Variants in RASAL1 observed in about 807,000 individuals in gnomAD.
RASAL1 encodes RAS protein activator like 1.
In RASAL1, 72 loss-of-function variants were observed where a neutral mutation model predicts 96.6. That is an observed-to-expected ratio of 0.75 (90% CI 0.62 to 0.91). The LOEUF (loss-of-function observed/expected upper bound fraction) is 0.91. Ranked by LOEUF, RASAL1 falls within the 40% of genes least tolerant of loss-of-function variation. The pLI is 0.00. For synonymous variants in RASAL1, 405 were observed against 430.4 expected, an observed-to-expected ratio of 0.94 and a Z score of 0.73; for missense variants, 1,016 against 1,072.5, an observed-to-expected ratio of 0.95 and a Z score of 0.74.
At position 113,115,967 on chromosome 12, in the gene RASAL1, C is replaced by T; in HGVS notation, c.816G>A (p.Glu272=). 1 of 1,609,128 alleles carries T rather than the reference C, an allele frequency of 6.2e-7. No individual in the cohort carries two copies. Among genetic ancestry groups the T allele is most frequent in the South Asian group, 1.1e-5 (1 of 90,400 alleles). The change falls in exon 9 of 21, where the codon GAG becomes GAA. Residue 272 remains glutamate, a synonymous_variant. Transcript: ENST00000548055. This position sits in a 1 kb window ranked among gnomAD's most constrained non-coding sequence, Gnocchi z 4.1. ...GCCCCTGCACAGACTCCATGAGCAG[C>T]TCCATGAGAGGCTGGTAGCACTGGG... ...LPSQCYQPLM[E]LLMESVQGPA... is the part of the protein sequence containing the mutation.
At chr12:113,136,380 T>C (rs1160159390), upstream of RASAL1, 2 of 152,234 alleles carry the variant, frequency 1.3e-5, no homozygotes, top group African/African-American at 4.8e-5. Context: ...ACTTCATGGG[T>C]GCCAGGCACT....
In RASAL1 at chr12:113,117,283, CA is replaced by C. The variant is rs1359458239; in HGVS notation, c.643-123del. The C allele has an allele frequency of 8.0e-5, 51 of 635,186 alleles. 1 individual carries two copies. The South Asian group carries it at 9.4e-4, about 12-fold the overall frequency. The allele number at this position is 635,186 out of a possible 1,614,324, so 39.3% of individuals were successfully genotyped here. The stretch of plus-strand genomic sequence containing the variant: ...CCCACAGAGGGGCAGAATGGCCTGC[CA>C]GGGGACCCCTCCTTCTCTCCTACAA... On this transcript the variant is annotated intron_variant, in intron 7 of 20. Transcript: ENST00000548055.
rs200935362 is a variant in RASAL1 at position 113,130,901 on chromosome 12, C to T, written c.106G>A (p.Asp36Asn). The stretch of plus-strand genomic sequence containing the variant: ...ACCCCTCACCTGGCCACCACCTCGT[C>T]GTCCACTTTCACTAGGCAGTAGGGG... ...SDPYCLVKVD[D>N]EVVARTATVW... Residue 36 changes from aspartate to asparagine, a missense_variant, in exon 2 of 21, where the codon GAC becomes AAC. By Grantham distance (23) the Asp-to-Asn change is conservative. Transcript: ENST00000548055. This position sits in a 1 kb window ranked among gnomAD's most constrained non-coding sequence, Gnocchi z 5.1. 211 of 1,613,608 alleles carry T rather than the reference C, an allele frequency of 1.3e-4. 2 individuals are homozygous for T. The South Asian group carries it at 1.6e-3, about 12-fold the overall frequency.
rs1950884265 is a variant in RASAL1, at chr12:113,112,109, G to C, written c.1351C>G (p.Arg451Gly). 2 of 1,244,780 alleles carry C rather than the reference G, an allele frequency of 1.6e-6. No homozygotes were observed. The allele number at this position is 1,244,780 out of a possible 1,614,324, so 77.1% of individuals were successfully genotyped here. A position where few individuals can be genotyped will look rare whatever the true frequency, so the allele number is the denominator to read the frequency against. The change falls in exon 13 of 21, where the codon CGC becomes GGC. Residue 451 changes from arginine (R) to glycine (G), a missense_variant. Coordinates refer to ENST00000548055, the MANE Select transcript of RASAL1 (RefSeq NM_001301202.2). ...FKQLHRRVEE[R>G]FPQAEHQDVK... ...ACCTGGTGCTCGGCCTGGGGGAAGC[G>C]CTCCTCCACTCGCCGGTGCAGCTGC...
At chr12:113,121,804 C>T (rs1167513794) in intron 4 of RASAL1, among the ~76,000 whole-genome samples, 166 bp from the exon 5 acceptor site, 1 of 152,028 alleles carries the variant, frequency 6.6e-6, no homozygotes, top group Non-Finnish European at 1.5e-5. Flanking sequence ...TCACTGCAAC[C>T]TCTGCCTCCT....
At chr12:113,113,178 C>T (rs1357509270) in intron 12 of RASAL1, among the ~76,000 whole-genome samples, 1 of 152,182 alleles carries the variant, frequency 6.6e-6, no homozygotes, top group Non-Finnish European at 1.5e-5. Flanking sequence ...CTGTCTTGCC[C>T]ACACCTAGAG....
At chr12:113,120,191 T>C (rs1204059176) in intron 5 of RASAL1, among the ~76,000 whole-genome samples, 1 of 152,084 alleles carries the variant, frequency 6.6e-6, no homozygotes, top group Non-Finnish European at 1.5e-5. Flanking sequence ...TTCCTCCTGC[T>C]CCCTTCCCAC....
At chr12:113,104,717 G>A (rs1167683101) in intron 16 of RASAL1, among the ~76,000 whole-genome samples, 1 of 152,038 alleles carries the variant, frequency 6.6e-6, no homozygotes, top group Non-Finnish European at 1.5e-5. Flanking sequence ...GGCCAGGCTG[G>A]TCTCGAACTC....
intron 4 of RASAL1, among the ~76,000 whole-genome samples, chr12:113,126,290 T>C (rs901015674): frequency 1.3e-5 from 2 of 151,788 alleles, no homozygotes; most frequent in African/African-American, 4.8e-5. Flanking sequence ...GTCTCAAAAA[T>C]AAATAAATTA....
chr12:113,114,864 G>T lies in RASAL1; in HGVS notation c.1117C>A (p.Arg373Ser). ...LHEVLKPVISRVFEEKKYMEL... is the reference protein window; with the variant it reads ...LHEVLKPVISSVFEEKKYMEL... ...ATGTACTTCTTCTCCTCAAAGACAC[G>T]GCTAATCACAGGCTTCAGGACCTCG... The change falls in exon 12 of 21, where the codon CGT becomes AGT. Residue 373 changes from arginine to serine, a missense_variant. Arg to Ser is a moderately radical substitution (Grantham distance 110, BLOSUM62 -1). Coordinates refer to ENST00000548055, the MANE Select transcript of RASAL1 (RefSeq NM_001301202.2). 1 of 1,614,136 alleles carries T rather than the reference G, an allele frequency of 6.2e-7. No homozygotes were observed. Among genetic ancestry groups the T allele is most frequent in the Non-Finnish European group, 8.5e-7 (1 of 1,180,004 alleles).
At chr12:113,112,392 C>T (rs549770376) in intron 12 of RASAL1, 114 bp from the exon 13 acceptor site, 2 of 766,782 alleles carry the variant, frequency 2.6e-6, no homozygotes, top group African/African-American at 1.8e-5. Flanking sequence ...CGTCCGCAGC[C>T]TCCTTCCTGC....
At position 113,105,789 on chromosome 12, in the gene RASAL1, C is replaced by G. The variant is rs139573405; in HGVS notation, c.1755G>C (p.Thr585=). 2 of 1,614,164 alleles carry G rather than the reference C, an allele frequency of 1.2e-6. No individual in the cohort carries two copies. Among genetic ancestry groups the G allele is most frequent in the South Asian group, 1.1e-5 (1 of 91,086 alleles). Residue 585 remains threonine, a synonymous_variant, in exon 16 of 21, where the codon ACG becomes ACC. Transcript: ENST00000548055. The stretch of plus-strand genomic sequence containing the variant: ...CGTAGCGCTTCTTGAAGGCAAAGCG[C>G]GTGGCCAGGCCGGCAGGCTCCTCCT... The part of the protein sequence containing the change: ...KRKEEPAGLA[T]RFAFKKRYVW...
At position 113,130,855 on chromosome 12, in the gene RASAL1, C is replaced by T; in HGVS notation, c.122+30G>A. 6.3e-7 allele frequency: 1 copy of T among 1,593,758 alleles called. No homozygotes were observed. The highest frequency in any genetic ancestry group is 1.1e-5 in the South Asian group (1 of 89,850). ...AGGTCTAGAAAGAGACCCCTCCCTTCCTCCTCTCCCCCGTGTCGCCACCCC... is the reference window on the plus strand; with the variant it reads ...AGGTCTAGAAAGAGACCCCTCCCTTTCTCCTCTCCCCCGTGTCGCCACCCC... On this transcript the variant is annotated intron_variant, in intron 2 of 20. Transcript: ENST00000548055. The surrounding 1 kb of genome is among the most constrained non-coding windows in gnomAD (Gnocchi z 5.1).
intron 14 of RASAL1, among the ~76,000 whole-genome samples, chr12:113,107,842 A>G (rs2136128551): frequency 6.6e-6 from 1 of 152,354 alleles, no homozygotes; most frequent in East Asian, 1.9e-4. Flanking sequence ...TAAGGTGTGA[A>G]TGCCTGCTAG....
chr12:113,112,296 G>A lies in RASAL1; in HGVS notation c.1182-18C>T. On this transcript the variant is annotated intron_variant, in intron 12 of 20. Transcript: ENST00000548055. The stretch of plus-strand genomic sequence containing the variant: ...AGATCCTCCTGGAGGGGCCGGCGGA[G>A]CAGCTCAGCCTCGGGGCACAACATC... The A allele has an allele frequency of 1.6e-6, 2 of 1,252,820 alleles. No individual in the cohort carries two copies. The highest frequency in any genetic ancestry group is 2.0e-6 in the Non-Finnish European group (2 of 990,318). 77.6% of individuals were successfully genotyped at this position (1,252,820 alleles called of 1,614,324 possible).
intron 7 of RASAL1, among the ~76,000 whole-genome samples, chr12:113,118,782 C>T (rs1481425545): frequency 1.3e-5 from 2 of 152,186 alleles, no homozygotes; most frequent in East Asian, 3.9e-4. Context: ...CGGATAGCAA[C>T]AGTCCCAGCC....
chr12:113,128,468 T>C (rs1228457204), intron 2 of RASAL1, among the ~76,000 whole-genome samples: 2 of 146,288 alleles, frequency 1.4e-5, no homozygotes, highest in Admixed American at 6.8e-5. Context: ...ACCCAGAGTA[T>C]CAGACATACA....
At chr12:113,104,124 G>T in intron 17 of RASAL1, 37 bp downstream of exon 17, 1 of 1,588,974 alleles carries the variant, frequency 6.3e-7, no homozygotes, top group Non-Finnish European at 8.6e-7. Context: ...TGGGAACAGA[G>T]GGACGCCCCC....
Position 113,099,936 on chromosome 12 carries a change from C to T in RASAL1, c.2411G>A (p.Gly804Asp), listed in dbSNP as rs1341251148. Reference sequence around the variant, plus strand: ...GCTAGCTCTGGCATTTCCTTAGGGGCCAAGGGGGCCCAGGGCCGCCTTCCC... The same window carrying T: ...GCTAGCTCTGGCATTTCCTTAGGGGTCAAGGGGGCCCAGGGCCGCCTTCCC... Reference protein sequence around the residue: ...ERGKAALGPLGP With the variant: ...ERGKAALGPLDP The change falls in exon 21 of 21, where the codon GGC (glycine) becomes GAC (aspartate). Residue 804 changes from glycine (G) to aspartate (D), a missense_variant. By Grantham distance (94) the Gly-to-Asp change is moderately conservative. Transcript: ENST00000548055. 1.5e-5 allele frequency: 24 copies of T among 1,611,196 alleles called. No homozygotes were observed. The highest frequency in any genetic ancestry group is 2.0e-5 in the Non-Finnish European group (23 of 1,178,658).
Sources: allele counts gnomAD v4.1 joint callset (sites outside exome capture counted in the v4.1 genomes callset), GRCh38; gene constraint gnomAD v4.1.1; non-coding constraint Gnocchi (gnomAD v3.1); transcripts MANE v1.5; gene names NCBI Gene and HGNC (gene_info 2026-07-23, HGNC 2026-07-21).